Variants in ADCY9 observed in about 807,000 individuals in gnomAD.
ADCY9 encodes the protein adenylate cyclase type 9.
ADCY9 carries 50 observed loss-of-function variants against 101.5 expected under a neutral mutation model. That is an observed-to-expected ratio of 0.49 (90% CI 0.39 to 0.62). The LOEUF (loss-of-function observed/expected upper bound fraction) is 0.62, where lower values mean the gene tolerates loss of function less well. ADCY9 is among the 20% of genes least tolerant of loss of function. The pLI is 0.00. For missense variants in ADCY9, 1,662 were observed against 1,800.4 expected (o/e 0.92, Z 1.39); for synonymous variants, 905 against 769.3 (o/e 1.18, Z -2.92).
At chr16:3,956,142 T>C (rs1249693851) in intron 5 of ADCY9, among the ~76,000 whole-genome samples, 1 of 151,900 alleles carries the variant, frequency 6.6e-6, no homozygotes, top group African/African-American at 2.4e-5. Flanking sequence ...TCAAGTGATC[T>C]TCCCGTCTCA....
At chr16:3,988,651 GGGGGGTTTCCTTCCAGGGCAGGTT>G (rs368269562) in intron 6 of ADCY9, among the ~76,000 whole-genome samples, 249 of 131,326 alleles carry the variant, frequency 1.9e-3, no homozygotes, top group Middle Eastern at 0.015. Context: ...AAGGCAGGTG[GGGGGGTTTCCTTCCAGGGCAGGTT>G]GGGGGTTTCC....
chr16:4,074,182 T>C (rs183600543), intron 2 of ADCY9, among the ~76,000 whole-genome samples: 245 of 152,106 alleles, frequency 1.6e-3, no homozygotes, highest in Middle Eastern at 6.8e-3. Flanking sequence ...TACATTATTA[T>C]GACACTATTA....
At chr16:4,037,450 T>C (rs1274491134) in intron 2 of ADCY9, among the ~76,000 whole-genome samples, 1 of 152,224 alleles carries the variant, frequency 6.6e-6, no homozygotes. Context: ...CACAGTTTCT[T>C]TACCCATCCA....
rs550215840 is a variant in ADCY9, at chr16:4,030,358, C to A, written c.1694-22800G>T. ...GAACCCCAGCGTAAGCAACAGGCAA[C>A]AGGAATGAAGCTCACAAACTTTACA... On this transcript the variant is annotated intron_variant, in intron 2 of 10. Transcript: ENST00000294016. Among the ~76,000 whole-genome samples the A allele has an allele frequency of 2.0e-5, 3 of 152,212 alleles. No individual in the cohort carries two copies. In the South Asian group the frequency reaches 6.2e-4, roughly 32 times the overall value.
intron 6 of ADCY9, 42 bp from the exon 7 acceptor site, chr16:3,983,482 G>A (rs1345281095): frequency 1.3e-6 from 2 of 1,534,470 alleles, no homozygotes; most frequent in South Asian, 1.2e-5. Flanking sequence ...GGGAGGCCAT[G>A]GGCGGCCAGG....
chr16:3,989,132 A>T (rs1186851916), intron 5 of ADCY9, 36 bp from the exon 6 acceptor site: 1 of 1,468,568 alleles, frequency 6.8e-7, no homozygotes, highest in East Asian at 2.3e-5. Context: ...ATCAATACCC[A>T]GCACCATAAC....
chr16:3,998,657 C>T (rs1394651478), intron 3 of ADCY9, among the ~76,000 whole-genome samples: 1 of 123,494 alleles, frequency 8.1e-6, no homozygotes, highest in African/African-American at 3.2e-5. Context: ...TCCAGTGAGC[C>T]GAGATGGTGC....
Position 3,983,237 on chromosome 16 carries a change from G to A in ADCY9, c.2514C>T (p.Ser838=). The change falls in exon 7 of 11, where the codon TCC becomes TCT. Residue 838 remains serine, a synonymous_variant. Transcript: ENST00000294016. ...LLLEVLSLAV[S]IRMVFFLEDV... is the part of the protein sequence containing the mutation. ...CCAGTCCACGCGGCGCTTACCTGAT[G>A]GACACCGCGAGGGACAGCACCTCCA... 1.9e-6 allele frequency: 3 copies of A among 1,549,920 alleles called. No homozygotes were observed. Among genetic ancestry groups the A allele is most frequent in the Non-Finnish European group, 2.6e-6 (3 of 1,146,588 alleles).
intron 2 of ADCY9, among the ~76,000 whole-genome samples, chr16:4,101,260 A>G (rs1009499017): frequency 6.7e-6 from 1 of 149,848 alleles, no homozygotes; most frequent in African/African-American, 2.5e-5. Context: ...CAGGAAGTCT[A>G]GTACAATATT....
chr16:4,069,885 C>A (rs936922080), intron 2 of ADCY9, among the ~76,000 whole-genome samples: 2 of 152,142 alleles, frequency 1.3e-5, no homozygotes, highest in African/African-American at 4.8e-5. Context: ...CACTTGAGGG[C>A]AGGAGTTTGA....
At chr16:4,065,058 C>G (rs1412602927) in intron 2 of ADCY9, among the ~76,000 whole-genome samples, 1 of 152,172 alleles carries the variant, frequency 6.6e-6, no homozygotes, top group Admixed American at 6.5e-5. Flanking sequence ...CGTCCATCAC[C>G]AGGCTTCAAT....
chr16:4,083,883 G>C (rs1281673675), intron 2 of ADCY9, among the ~76,000 whole-genome samples: 1 of 152,152 alleles, frequency 6.6e-6, no homozygotes, highest in Non-Finnish European at 1.5e-5. Flanking sequence ...GGGTGTGCCG[G>C]GCTTCTCTGT....
At chr16:4,100,489 C>T (rs868547178) in intron 2 of ADCY9, among the ~76,000 whole-genome samples, 2 of 151,974 alleles carry the variant, frequency 1.3e-5, no homozygotes, top group Non-Finnish European at 2.9e-5. Context: ...GCCACCACGC[C>T]TGGCTAATTT....
rs1555504577 is a variant in ADCY9 at position 3,956,488 on chromosome 16, C to CTTTTTTTT, written c.568-2980_568-2973dup. On this transcript the variant is annotated intron_variant, in intron 5 of 5. Transcript: ENST00000576936. The stretch of plus-strand genomic sequence containing the variant: ...AAGGACAAGACACCAGCGCAATGAG[C>CTTTTTTTT]TTTTTTTTTTTTTTTGGGGGGGGAT... 3.9e-4 allele frequency among the ~76,000 whole-genome samples: 27 copies of CTTTTTTTT among 68,790 alleles called. 2 individuals are homozygous for CTTTTTTTT. Among genetic ancestry groups the CTTTTTTTT allele is most frequent in the Non-Finnish European group, 6.5e-4 (25 of 38,646 alleles). The allele number at this position is 68,790 out of a possible 152,430, so 45.1% of individuals were successfully genotyped here.
chr16:4,049,900 G>A (rs146949099), intron 2 of ADCY9, among the ~76,000 whole-genome samples: 159 of 152,222 alleles, frequency 1.0e-3, no homozygotes, highest in African/African-American at 3.7e-3. Context: ...GCATGATGGT[G>A]TACACCTGTA....
chr16:4,042,087 C>T (rs2056631389), intron 2 of ADCY9, among the ~76,000 whole-genome samples: 1 of 151,994 alleles, frequency 6.6e-6, no homozygotes, highest in African/African-American at 2.4e-5. Flanking sequence ...CCACTCCTGG[C>T]TAATTTTTGT....
downstream of ADCY9, among the ~76,000 whole-genome samples, chr16:3,957,697 C>A (rs970454203): frequency 6.6e-6 from 1 of 150,656 alleles, no homozygotes. Context: ...GTGGAGAATA[C>A]GGGATGGGGG....
At chr16:4,072,171 C>T (rs964051026) in intron 2 of ADCY9, among the ~76,000 whole-genome samples, 8 of 152,150 alleles carry the variant, frequency 5.3e-5, no homozygotes, top group African/African-American at 1.9e-4. Context: ...TAAAGCTATA[C>T]AGTATCAAGC....
chr16:3,965,528 T>A lies in ADCY9; in HGVS notation c.*247A>T, dbSNP rs931892865. On this transcript the variant is annotated 3_prime_UTR_variant, in exon 11 of 11. Coordinates refer to ENST00000294016, the MANE Select transcript of ADCY9 (RefSeq NM_001116.4). ...GGCCGAGGCCAGCCCTGAAGGCACT[T>A]GTTCTCCACCACGTGCTGAACGGAT... 50 of 549,156 alleles carry A rather than the reference T, an allele frequency of 9.1e-5. No homozygotes were observed. The African/African-American group carries it at 9.4e-4, about 10-fold the overall frequency. The allele number at this position is 549,156 out of a possible 1,614,324, so 34.0% of individuals were successfully genotyped here. A position where few individuals can be genotyped will look rare whatever the true frequency, so the allele number is the denominator to read the frequency against.
Sources: allele counts gnomAD v4.1 joint callset (sites outside exome capture counted in the v4.1 genomes callset), GRCh38; gene constraint gnomAD v4.1.1; transcripts MANE v1.5; gene names NCBI Gene and HGNC (gene_info 2026-07-23, HGNC 2026-07-21).